Variants in DNAH2 observed in about 807,000 individuals in gnomAD.
DNAH2 encodes axonemal beta dynein heavy chain 2.
DNAH2 carries 323 observed loss-of-function variants against 523.5 expected under a neutral mutation model. The observed-to-expected ratio is 0.62, with a 90% CI of 0.56 to 0.68. The LOEUF (loss-of-function observed/expected upper bound fraction) is 0.68. Among genes scored for constraint, DNAH2 ranks in the 30% least tolerant of loss-of-function variants. DNAH2 has a pLI of 0.00. For synonymous variants in DNAH2, 2,093 were observed against 2,177.4 expected (o/e 0.96, Z 1.08); for missense variants, 4,907 against 5,701.5 (o/e 0.86, Z 4.49).
intron 1 of DNAH2, among the ~76,000 whole-genome samples, chr17:7,719,490 GC>G (rs2074530132): frequency 6.6e-6 from 1 of 152,094 alleles, no homozygotes; most frequent in South Asian, 2.1e-4. Context: ...TTGATTTTTA[GC>G]CCAGTGCCCC....
At chr17:7,818,164 G>A (rs2077737576) in intron 68 of DNAH2, 68 bp downstream of exon 68, 9 of 1,603,584 alleles carry the variant, frequency 5.6e-6, no homozygotes, top group Non-Finnish European at 7.6e-6. Flanking sequence ...CTCTGACTGT[G>A]TCCTCTTCTT....
chr17:7,808,385 AG>A (rs201630165), intron 63 of DNAH2, among the ~76,000 whole-genome samples: 105 of 150,384 alleles, frequency 7.0e-4, no homozygotes, highest in Non-Finnish European at 9.8e-4. Context: ...AAAAAAAAAA[AG>A]ATGCATGCAT....
In DNAH2 at chr17:7,740,508, G is replaced by T. The variant is rs1416908832; in HGVS notation, c.1465G>T (p.Val489Leu). Residue 489 changes from valine to leucine, a missense_variant, in exon 10 of 86, where the codon GTG (valine) becomes TTG (leucine). Physicochemically the swap from Val to Leu is conservative, Grantham distance 32 (BLOSUM62 1). Around this residue, in one of 3 missense-constraint regions of DNAH2, gnomAD observed 2,806 missense variants for 3,190.8 expected, o/e 0.88. Transcript: ENST00000572933. ...GTTGGTGCGGGACGTGCCGCACGGC[G>T]TGCTTCTGCTGGACACCTTCCACAG... is the stretch of plus-strand genomic sequence containing the variant. ...FELVRDVPHG[V>L]LLLDTFHRLA... 6.2e-7 allele frequency: 1 copy of T among 1,614,194 alleles called. No homozygotes were observed. Among genetic ancestry groups the T allele is most frequent in the Admixed American group, 1.7e-5 (1 of 60,028 alleles).
intron 18 of DNAH2, among the ~76,000 whole-genome samples, chr17:7,761,715 C>G (rs1276171356): frequency 6.6e-6 from 1 of 152,074 alleles, no homozygotes; most frequent in East Asian, 1.9e-4. Flanking sequence ...AAACTCCTGA[C>G]CTCAAGTCAT....
chr17:7,787,862 G>A lies in DNAH2; in HGVS notation c.6606G>A (p.Val2202=), dbSNP rs770507793. Residue 2202 remains valine (V), a splice_region_variant and synonymous_variant, in exon 43 of 86, where the codon GTG becomes GTA. Transcript: ENST00000572933. The part of the protein sequence containing the change: ...NGERIAMPEQ[V]SLLFEVEDLA... The stretch of plus-strand genomic sequence containing the variant: ...TTCTGACAAACGTATATCCTTAGGT[G>A]TCTCTCCTGTTTGAAGTGGAGGACC... 8 of 1,613,076 alleles carry A rather than the reference G, an allele frequency of 5.0e-6. No individual in the cohort carries two copies. In the South Asian group the frequency reaches 6.6e-5, roughly 13 times the overall value.
intron 1 of DNAH2, 136 bp from the exon 2 acceptor site, chr17:7,719,585 G>A: frequency 9.0e-7 from 1 of 1,114,248 alleles, no homozygotes; most frequent in Non-Finnish European, 1.3e-6. Context: ...TAATGGAGCA[G>A]GGTGTGGGTA....
Position 7,760,911 on chromosome 17 carries a change from C to A in DNAH2, c.2957C>A (p.Ser986Tyr). 1.2e-6 allele frequency: 2 copies of A among 1,614,134 alleles called. No homozygotes were observed. The highest frequency in any genetic ancestry group is 1.7e-6 in the Non-Finnish European group (2 of 1,179,998). ...CAGCGCCTCAACCCTCCTGTCTCTTCTTTTGTTGCCGACATTGCCCGGTGA... is the reference window on the plus strand; with the variant it reads ...CAGCGCCTCAACCCTCCTGTCTCTTATTTTGTTGCCGACATTGCCCGGTGA... ...RYQRLNPPVS[S>Y]FVADIARYTE... The change falls in exon 18 of 86, where the codon TCT becomes TAT. Residue 986 changes from serine (S) to tyrosine (Y), a missense_variant. Physicochemically the swap from Ser to Tyr is moderately radical, Grantham distance 144. This residue lies in a region of DNAH2 where 2,806 missense variants were observed against 3,190.8 expected (regional missense o/e 0.88). Transcript: ENST00000572933. The surrounding 1 kb of genome is among the most constrained non-coding windows in gnomAD (Gnocchi z 4.0).
rs750627811 is a variant in DNAH2, at chr17:7,779,336, C to A, written c.5635C>A (p.Leu1879Met). Reference protein sequence around the residue: ...AHQILCILSALAAGLTHFHFD... With the variant: ...AHQILCILSAMAAGLTHFHFD... ...CCAGATCCTGTGCATCCTGTCTGCCCTGGCTGCCGGCCTCACCCATTTCCA... is the reference window on the plus strand; with the variant it reads ...CCAGATCCTGTGCATCCTGTCTGCCATGGCTGCCGGCCTCACCCATTTCCA... The change falls in exon 36 of 86, where the codon CTG (leucine) becomes ATG (methionine). Residue 1879 changes from leucine to methionine, a missense_variant. By Grantham distance (15) the Leu-to-Met change is conservative (BLOSUM62 2). Transcript: ENST00000572933. 1 of 1,614,184 alleles carries A rather than the reference C, an allele frequency of 6.2e-7. No homozygotes were observed. Among genetic ancestry groups the A allele is most frequent in the Non-Finnish European group, 8.5e-7 (1 of 1,180,040 alleles).
chr17:7,785,092 G>T (rs910847260), intron 39 of DNAH2, among the ~76,000 whole-genome samples: 6 of 98,754 alleles, frequency 6.1e-5, no homozygotes, highest in Admixed American at 2.4e-4. Flanking sequence ...AGAAATTAGA[G>T]AATTTTTTTT....
At chr17:7,757,370 AT>A in intron 13 of DNAH2, 133 bp downstream of exon 13, 3 of 1,176,710 alleles carry the variant, frequency 2.5e-6, no homozygotes, top group Non-Finnish European at 2.3e-6. Context: ...AAAAAAAAAA[AT>A]TGTCTCCCAC....
chr17:7,753,070 C>T (rs1207788528), intron 12 of DNAH2, among the ~76,000 whole-genome samples: 1 of 152,208 alleles, frequency 6.6e-6, no homozygotes, highest in African/African-American at 2.4e-5. Flanking sequence ...TATCATCACA[C>T]TTGAGCCACA....
In DNAH2 at chr17:7,817,380, C is replaced by A; in HGVS notation, c.9985C>A (p.Arg3329=). ...SYMGPFLTNY[R]DEIVNQIWIG... ...CATGGGACCCTTCCTGACCAACTACCGGGATGAGATTGTCAACCAAATCTG... is the reference window on the plus strand; with the variant it reads ...CATGGGACCCTTCCTGACCAACTACAGGGATGAGATTGTCAACCAAATCTG... Residue 3329 remains arginine (R), a synonymous_variant, in exon 65 of 86, where the codon CGG becomes AGG. Coordinates refer to ENST00000572933, the MANE Select transcript of DNAH2 (RefSeq NM_020877.5). The A allele has an allele frequency of 1.9e-6, 3 of 1,613,786 alleles. No individual in the cohort carries two copies. The highest frequency in any genetic ancestry group is 2.5e-6 in the Non-Finnish European group (3 of 1,179,942).
intron 60 of DNAH2, 42 bp from the exon 61 acceptor site, chr17:7,805,210 G>A (rs1242269148): frequency 1.2e-6 from 2 of 1,608,828 alleles, no homozygotes; most frequent in Admixed American, 1.7e-5. Context: ...TCTGTCTCCA[G>A]AAGGTCCTGT....
intron 4 of DNAH2, among the ~76,000 whole-genome samples, chr17:7,729,086 C>T (rs758327676): frequency 1.4e-4 from 21 of 151,426 alleles, no homozygotes; most frequent in African/African-American, 1.9e-4. Flanking sequence ...GTAAAACTAC[C>T]GAAAAATTAA....
In DNAH2 at chr17:7,759,621, C is replaced by G. The variant is rs1470949246; in HGVS notation, c.2637+11C>G. ...GGAAGTGTGGCACAGGTAAGAACCA[C>G]TTTGCCCCCAACATCTCAAAACCAT... On this transcript the variant is annotated intron_variant, in intron 16 of 85. Transcript: ENST00000572933. The G allele has an allele frequency of 1.2e-6, 2 of 1,611,000 alleles. No individual in the cohort carries two copies. Among genetic ancestry groups the G allele is most frequent in the Non-Finnish European group, 1.7e-6 (2 of 1,178,232 alleles).
rs1356190470 is a variant in DNAH2 at position 7,778,372 on chromosome 17, A to ACCTGGGCAAGGC, written c.5453_5464dup (p.Lys1818_Gly1821dup). On this transcript the variant is annotated inframe_insertion, in exon 35 of 86. Coordinates refer to ENST00000572933, the MANE Select transcript of DNAH2 (RefSeq NM_020877.5). ...ACAGGCAAGACCGAGACCGTCAAGG[A>ACCTGGGCAAGGC]CCTGGGCAAGGCCCTGGGCATATAT... The ACCTGGGCAAGGC allele has an allele frequency of 6.2e-7, 1 of 1,614,042 alleles. No homozygotes were observed. The highest frequency in any genetic ancestry group is 8.5e-7 in the Non-Finnish European group (1 of 1,180,040).
chr17:7,772,472 C>T (rs2076344464), intron 28 of DNAH2, among the ~76,000 whole-genome samples: 1 of 152,184 alleles, frequency 6.6e-6, no homozygotes, highest in Non-Finnish European at 1.5e-5. Context: ...CAGAACAAAT[C>T]CATCTTGTCC....
At position 7,805,307 on chromosome 17, in the gene DNAH2, C is replaced by T; in HGVS notation, c.9356C>T (p.Pro3119Leu). The T allele has an allele frequency of 1.2e-6, 2 of 1,614,234 alleles. No homozygotes were observed. The highest frequency in any genetic ancestry group is 1.7e-6 in the Non-Finnish European group (2 of 1,180,050). Residue 3119 changes from proline (P) to leucine (L), a missense_variant, in exon 61 of 86, where the codon CCC becomes CTC. Physicochemically the swap from Pro to Leu is moderately conservative, Grantham distance 98. Around this residue, in one of 3 missense-constraint regions of DNAH2, gnomAD observed 1,851 missense variants for 2,139.4 expected, o/e 0.87. Transcript: ENST00000572933. ...GGAGAGATCAAGTCTTATGGACGGCCCCCAGCCCAAGTGGAGATAGTGATG... is the reference window on the plus strand; with the variant it reads ...GGAGAGATCAAGTCTTATGGACGGCTCCCAGCCCAAGTGGAGATAGTGATG... ...DIGEIKSYGR[P>L]PAQVEIVMQA...
chr17:7,726,495 G>C (rs1199403107), intron 3 of DNAH2, among the ~76,000 whole-genome samples: 1 of 151,612 alleles, frequency 6.6e-6, no homozygotes, highest in Non-Finnish European at 1.5e-5. Flanking sequence ...TAGAGACAAG[G>C]TTTCTCCATG....
Sources: allele counts gnomAD v4.1 joint callset (sites outside exome capture counted in the v4.1 genomes callset), GRCh38; gene constraint gnomAD v4.1.1; regional missense constraint gnomAD v4.1.1; non-coding constraint Gnocchi (gnomAD v3.1); transcripts MANE v1.5; gene names NCBI Gene and HGNC (gene_info 2026-07-23, HGNC 2026-07-21).